Variants in PCSK5 observed in about 807,000 individuals in gnomAD.
The protein encoded by PCSK5 is proprotein convertase subtilisin/kexin type 5, also known as prohormone convertase 5.
In PCSK5, 129 loss-of-function variants were observed where a neutral mutation model predicts 233.2. The ratio of observed to expected loss-of-function variants is 0.55; its 90% confidence interval spans 0.48 to 0.64. The LOEUF is 0.64. PCSK5 is among the 30% of genes least tolerant of loss of function. PCSK5 has a pLI of 0.00. For synonymous variants in PCSK5, 825 were observed against 879.2 expected (o/e 0.94, Z 1.09); for missense variants, 2,076 against 2,430.1 (o/e 0.85, Z 3.06).
intron 7 of PCSK5, among the ~76,000 whole-genome samples, chr9:76,080,433 A>G (rs1410048939): frequency 6.6e-6 from 1 of 152,228 alleles, no homozygotes; most frequent in Non-Finnish European, 1.5e-5. Flanking sequence ...AAGTACCCAC[A>G]ATAGTATCTG....
At chr9:76,085,879 T>C (rs375628172) in intron 7 of PCSK5, among the ~76,000 whole-genome samples, 2 of 152,204 alleles carry the variant, frequency 1.3e-5, no homozygotes, top group Admixed American at 6.5e-5. Flanking sequence ...GTATGAACTT[T>C]CCATTATTGC....
chr9:76,150,916 C>T (rs942120264), intron 10 of PCSK5, among the ~76,000 whole-genome samples: 3 of 151,804 alleles, frequency 2.0e-5, no homozygotes, highest in African/African-American at 7.3e-5. Context: ...GTGAAACTGC[C>T]GACATGAGAC....
At chr9:76,223,935 C>A (rs773649756) in intron 20 of PCSK5, among the ~76,000 whole-genome samples, 4 of 152,174 alleles carry the variant, frequency 2.6e-5, no homozygotes, top group Non-Finnish European at 4.4e-5. Context: ...AAAACTTGTG[C>A]CTGTAAGAGC....
At chr9:76,303,418 T>C (rs569857433) in intron 28 of PCSK5, among the ~76,000 whole-genome samples, 2 of 152,298 alleles carry the variant, frequency 1.3e-5, no homozygotes, top group East Asian at 3.9e-4. Flanking sequence ...ATTATAAATA[T>C]GTGCATATTT....
At chr9:75,913,084 A>G (rs1426331965) in intron 1 of PCSK5, among the ~76,000 whole-genome samples, 2 of 152,196 alleles carry the variant, frequency 1.3e-5, no homozygotes, top group African/African-American at 4.8e-5. Context: ...ACCTTCAGAG[A>G]GCCCAGTTGA....
At chr9:76,047,077 T>C (rs896275756) in intron 5 of PCSK5, among the ~76,000 whole-genome samples, 6 of 152,080 alleles carry the variant, frequency 3.9e-5, no homozygotes, top group Admixed American at 2.6e-4. Flanking sequence ...AGATCCTTAT[T>C]TGCATGGATA....
chr9:76,341,538 C>A (rs964504464), intron 35 of PCSK5, among the ~76,000 whole-genome samples: 5 of 152,154 alleles, frequency 3.3e-5, no homozygotes, highest in African/African-American at 1.2e-4. Context: ...AAGCAATCCT[C>A]CCATCTTGGC....
intron 2 of PCSK5, among the ~76,000 whole-genome samples, chr9:75,933,052 A>C (rs996690862): frequency 6.6e-6 from 1 of 152,080 alleles, no homozygotes; most frequent in Non-Finnish European, 1.5e-5. Context: ...TCTTGTGCCA[A>C]GTCCTTTTGG....
chr9:76,140,929 G>C (rs73650461), intron 10 of PCSK5, among the ~76,000 whole-genome samples: 1 of 151,780 alleles, frequency 6.6e-6, no homozygotes, highest in Non-Finnish European at 1.5e-5. Context: ...GAAAATAGAC[G>C]TCTCTTTTGT....
intron 10 of PCSK5, among the ~76,000 whole-genome samples, chr9:76,139,112 G>T (rs1284797940): frequency 6.6e-6 from 1 of 152,000 alleles, no homozygotes; most frequent in East Asian, 1.9e-4. Context: ...CACTGGTAGG[G>T]TTGATAATTT....
At chr9:76,299,395 G>A (rs978737415) in intron 27 of PCSK5, among the ~76,000 whole-genome samples, 1 of 152,168 alleles carries the variant, frequency 6.6e-6, no homozygotes, top group Admixed American at 6.5e-5. Context: ...AAGGCCGGAC[G>A]TGGTAGCTCA....
chr9:76,204,503 C>A (rs924192941), intron 20 of PCSK5, among the ~76,000 whole-genome samples: 1 of 151,716 alleles, frequency 6.6e-6, no homozygotes, highest in Admixed American at 6.6e-5. Flanking sequence ...ACTCTCTCCC[C>A]CCTTCTCTGG....
At chr9:75,994,388 C>T (rs1826905896) in intron 3 of PCSK5, among the ~76,000 whole-genome samples, 2 of 24,596 alleles carry the variant, frequency 8.1e-5, no homozygotes, top group African/African-American at 1.1e-4. Context: ...TCTTTCTTTT[C>T]TTTCTTTCTT....
chr9:76,100,527 C>G (rs979165695), intron 8 of PCSK5, among the ~76,000 whole-genome samples: 4 of 152,154 alleles, frequency 2.6e-5, no homozygotes, highest in Non-Finnish European at 5.9e-5. Flanking sequence ...AAAACCATAG[C>G]TAGTAAATGG....
chr9:76,167,194 G>A (rs1379246681), intron 12 of PCSK5, among the ~76,000 whole-genome samples: 5 of 151,868 alleles, frequency 3.3e-5, no homozygotes, highest in Non-Finnish European at 5.9e-5. Context: ...GAAGTGCCAC[G>A]CTCCTCTATT....
intron 1 of PCSK5, among the ~76,000 whole-genome samples, chr9:75,903,598 TTATA>T (rs200557764): frequency 7.1e-6 from 1 of 141,590 alleles, no homozygotes; most frequent in Non-Finnish European, 1.5e-5. Flanking sequence ...AAAATATATA[TTATA>T]TATATATATT....
chr9:76,234,311 A>G (rs1237590011), intron 22 of PCSK5, among the ~76,000 whole-genome samples: 1 of 152,192 alleles, frequency 6.6e-6, no homozygotes, highest in East Asian at 1.9e-4. Flanking sequence ...ATCTGCCAAC[A>G]CTGGACCTGC....
chr9:75,995,798 CTTG>C (rs934957464), intron 3 of PCSK5, among the ~76,000 whole-genome samples: 4 of 149,798 alleles, frequency 2.7e-5, no homozygotes, highest in Non-Finnish European at 4.5e-5. Flanking sequence ...CCTCTCTGAT[CTTG>C]TTCTCTTCCC....
intron 24 of PCSK5, among the ~76,000 whole-genome samples, chr9:76,256,552 G>C (rs1257295389): frequency 1.3e-5 from 2 of 152,186 alleles, no homozygotes; most frequent in Admixed American, 6.5e-5. Flanking sequence ...CTTTACAGAT[G>C]AATCTGGAAA....
Sources: allele counts gnomAD v4.1 joint callset (sites outside exome capture counted in the v4.1 genomes callset), GRCh38; gene constraint gnomAD v4.1.1; transcripts MANE v1.5; gene names NCBI Gene and HGNC (gene_info 2026-07-23, HGNC 2026-07-21).